The following ZNF782 variants were observed in gnomAD, a reference collection of about 807,000 sequenced individuals.
ZNF782 encodes the protein zinc finger protein 782.
ZNF782 carries 12 observed loss-of-function variants against 13.0 expected under a neutral mutation model. That is an observed-to-expected ratio of 0.92 (90% confidence interval 0.59 to 1.50). The LOEUF (loss-of-function observed/expected upper bound fraction) is 1.50. Among genes scored for constraint, ZNF782 ranks in the 40% most tolerant of loss-of-function variants. The pLI is 0.00. For synonymous variants in ZNF782, 284 were observed against 283.0 expected, an observed-to-expected ratio of 1.00 and a Z score of -0.04; for missense variants, 770 against 822.9, an observed-to-expected ratio of 0.94 and a Z score of 0.79.
chr9:96,891,401 AT>A, the ZNF782 span: 1 of 152,222 alleles, frequency 6.6e-6, no homozygotes, highest in Non-Finnish European at 1.5e-5. Context: ...TTAATGTAAC[AT>A]TTACATATAA....
intron 4 of ZNF782, among the ~76,000 whole-genome samples, chr9:96,836,648 G>A (rs1366063008): frequency 6.6e-6 from 1 of 152,164 alleles, no homozygotes; most frequent in East Asian, 1.9e-4. Context: ...GCTAGGGGCA[G>A]AATGGTATGG....
At chr9:96,931,775 G>A in the ZNF782 span, 1 of 1,611,620 alleles carries the variant, frequency 6.2e-7, no homozygotes, top group Non-Finnish European at 8.5e-7. Flanking sequence ...CTCCCTGTCT[G>A]TGTTCACGGC....
chr9:96,826,869 T>C (rs948687716), intron 5 of ZNF782, among the ~76,000 whole-genome samples: 1 of 152,234 alleles, frequency 6.6e-6, no homozygotes, highest in South Asian at 2.1e-4. Flanking sequence ...ATTCATTGTT[T>C]AGGAAACTGT....
At chr9:96,903,224 T>G in the ZNF782 span, 1 of 151,912 alleles carries the variant, frequency 6.6e-6, no homozygotes, top group East Asian at 1.9e-4. Flanking sequence ...ATTCTCCCAC[T>G]AACTCCTGGC....
chr9:96,856,184 T>C (rs985985214), upstream of ZNF782, among the ~76,000 whole-genome samples: 3 of 152,200 alleles, frequency 2.0e-5, no homozygotes, highest in Non-Finnish European at 4.4e-5. Context: ...GTGAAGATTT[T>C]CTCCCACTCT....
chr9:96,908,254 C>A, the ZNF782 span, among the ~76,000 whole-genome samples: 2 of 151,732 alleles, frequency 1.3e-5, no homozygotes, highest in Non-Finnish European at 2.9e-5. Context: ...GCTGCAGCCT[C>A]CAGTTCCTGG....
the ZNF782 span, among the ~76,000 whole-genome samples, chr9:96,896,417 A>T: frequency 3.9e-5 from 6 of 152,190 alleles, no homozygotes; most frequent in African/African-American, 1.2e-4. Flanking sequence ...AAGCAGTAAG[A>T]AGTAGCAACT....
chr9:96,921,852 C>A, the ZNF782 span, among the ~76,000 whole-genome samples: 1 of 151,268 alleles, frequency 6.6e-6, no homozygotes, highest in Non-Finnish European at 1.5e-5. Context: ...CACAACCACG[C>A]CCAGCTAATT....
Position 96,850,443 on chromosome 9 carries a change from T to G in ZNF782, c.15+1504A>C, listed in dbSNP as rs1191719028. On this transcript the variant is annotated intron_variant, in intron 3 of 5. Coordinates refer to ENST00000481138, the MANE Select transcript of ZNF782 (RefSeq NM_001001662.3). This position sits in a 1 kb window ranked among gnomAD's most constrained non-coding sequence, Gnocchi z 4.3. ...TCTCACTTATAAGTGGGAGCTAAGTTATGAGTATGCAAAGGCATACAGAGT... is the reference window on the plus strand; with the variant it reads ...TCTCACTTATAAGTGGGAGCTAAGTGATGAGTATGCAAAGGCATACAGAGT... 6.6e-6 allele frequency among the ~76,000 whole-genome samples: 1 copy of G among 152,070 alleles called. No individual in the cohort carries two copies. The highest frequency in any genetic ancestry group is 1.5e-5 in the Non-Finnish European group (1 of 68,008).
In ZNF782 at chr9:96,831,202, C is replaced by A. The variant is rs998138005; in HGVS notation, c.143-4021G>T. On this transcript the variant is annotated intron_variant, in intron 4 of 5. Coordinates refer to ENST00000481138, the MANE Select transcript of ZNF782 (RefSeq NM_001001662.3). ...TTAAGGGATAGTAAAAGGAGTTGGG[C>A]TGACTTTATATAAAGGGGTAGGACA... 4.6e-5 allele frequency among the ~76,000 whole-genome samples: 7 copies of A among 152,200 alleles called. No homozygotes were observed. The South Asian group carries it at 1.5e-3, about 32-fold the overall frequency.
intron 4 of ZNF782, among the ~76,000 whole-genome samples, chr9:96,841,853 C>T (rs1482709598): frequency 2.0e-5 from 3 of 151,810 alleles, no homozygotes; most frequent in African/African-American, 4.8e-5. Context: ...GAAGTCCTAT[C>T]CAGTGTAATA....
intron 5 of ZNF782, among the ~76,000 whole-genome samples, chr9:96,825,031 T>C (rs981332308): frequency 6.6e-6 from 1 of 151,134 alleles, no homozygotes; most frequent in African/African-American, 2.4e-5. Flanking sequence ...CCAATGACTT[T>C]CTTCACAGAA....
At chr9:96,865,850 T>C (rs916295814) in intron 1 of ZNF782, among the ~76,000 whole-genome samples, 1 of 152,154 alleles carries the variant, frequency 6.6e-6, no homozygotes, top group African/African-American at 2.4e-5. Flanking sequence ...GTGACTCTTG[T>C]TATGTTTTAG....
chr9:96,852,308 A>T (rs80074739), intron 2 of ZNF782, among the ~76,000 whole-genome samples: 1,818 of 152,350 alleles, frequency 0.012, 51 homozygotes, highest in African/African-American at 0.041. Context: ...GGATTAGTTG[A>T]ATTAAAGTAC....
chr9:96,925,409 G>A, the ZNF782 span, among the ~76,000 whole-genome samples: 1,020 of 152,258 alleles, frequency 6.7e-3, 4 homozygotes, highest in Non-Finnish European at 0.013. Flanking sequence ...AGGCCGAGGC[G>A]GGTGGATCAC....
chr9:96,819,080 A>G lies in ZNF782; in HGVS notation c.943T>C (p.Tyr315His). Reference protein sequence around the residue: ...RVHIGVKPFEYGKSFNRNSTL... With the variant: ...RVHIGVKPFEHGKSFNRNSTL... ...GAATTACGGTTGAAACTTTTTCCAT[A>G]TTCAAAGGGTTTCACCCCTATATGA... Residue 315 changes from tyrosine (Y) to histidine (H), a missense_variant, in exon 6 of 6, where the codon TAT becomes CAT. Tyr to His is a moderately conservative substitution (Grantham distance 83). Coordinates refer to ENST00000481138, the MANE Select transcript of ZNF782 (RefSeq NM_001001662.3). 1 of 1,614,106 alleles carries G rather than the reference A, an allele frequency of 6.2e-7. No individual in the cohort carries two copies. The highest frequency in any genetic ancestry group is 8.5e-7 in the Non-Finnish European group (1 of 1,180,024).
At chr9:96,868,958 A>G (rs998203965) in intron 1 of ZNF782, among the ~76,000 whole-genome samples, 2 of 152,270 alleles carry the variant, frequency 1.3e-5, no homozygotes, top group Middle Eastern at 3.4e-3. Context: ...TGTTCCTGGC[A>G]GTGTTTATAC....
intron 1 of ZNF782, among the ~76,000 whole-genome samples, chr9:96,869,957 G>A (rs1054320510): frequency 6.6e-6 from 1 of 152,186 alleles, no homozygotes; most frequent in Non-Finnish European, 1.5e-5. Flanking sequence ...AAGTGCACAG[G>A]TAACAGATGA....
Position 96,818,323 on chromosome 9 carries a change from C to G in ZNF782, c.1700G>C (p.Cys567Ser), listed in dbSNP as rs187889562. The G allele has an allele frequency of 6.2e-7, 1 of 1,614,050 alleles. No homozygotes were observed. Among genetic ancestry groups the G allele is most frequent in the Non-Finnish European group, 8.5e-7 (1 of 1,180,042 alleles). ...TGATTTCTGACTGAAAGCTTCCCCA[C>G]AATGATTACATTTATAGGGTTTTTC... is the stretch of plus-strand genomic sequence containing the variant. ...TGEKPYKCNH[C>S]GEAFSQKSNL... Residue 567 changes from cysteine (C) to serine (S), a missense_variant, in exon 6 of 6, where the codon TGT (cysteine) becomes TCT (serine). Cys to Ser is a moderately radical substitution (Grantham distance 112). Transcript: ENST00000481138.
Sources: allele counts gnomAD v4.1 joint callset (sites outside exome capture counted in the v4.1 genomes callset), GRCh38; gene constraint gnomAD v4.1.1; non-coding constraint Gnocchi (gnomAD v3.1); transcripts MANE v1.5; gene names NCBI Gene and HGNC (gene_info 2026-07-23, HGNC 2026-07-21).